KMT2A: variants seen among roughly 807,000 people sequenced by gnomAD.
The protein encoded by KMT2A is histone-lysine N-methyltransferase 2A.
A neutral mutation model predicts 345.3 loss-of-function variants in KMT2A; 16 were observed. That is an observed-to-expected ratio of 0.05 (90% CI 0.03 to 0.07). KMT2A has a LOEUF of 0.07. Ranked by LOEUF, KMT2A falls within the 10% of genes least tolerant of loss-of-function variation. KMT2A has a pLI of 1.00. For synonymous variants in KMT2A, 1,599 were observed against 1,778.6 expected, an observed-to-expected ratio of 0.90 and a Z score of 2.54; for missense variants, 3,272 against 4,841.6, an observed-to-expected ratio of 0.68 and a Z score of 9.62.
intron 24 of KMT2A, 75 bp from the exon 25 acceptor site, chr11:118,500,912 G>C (rs1950490183): frequency 5.0e-6 from 6 of 1,193,294 alleles, no homozygotes; most frequent in Non-Finnish European, 7.2e-6. Flanking sequence ...CTAGGATAAA[G>C]AGAGGTTTTG....
chr11:118,499,836 G>T lies in KMT2A; in HGVS notation c.6081G>T (p.Gly2027=), dbSNP rs142830885. The T allele has an allele frequency of 2.0e-4, 326 of 1,607,208 alleles. No homozygotes were observed. Among genetic ancestry groups the T allele is most frequent in the Middle Eastern group, 1.3e-3 (8 of 6,052 alleles). ...ATCGGTTCTTCTTTCCTTGGTCAGG[G>T]TCTATGACAATCGACTGCTTAGGAA... ...LEPENIHMMI[G]SMTIDCLGIL... is the part of the protein sequence containing the mutation. The change falls in exon 24 of 36, where the codon GGG becomes GGT. Residue 2027 remains glycine (G), a splice_region_variant and synonymous_variant. Transcript: ENST00000534358.
intron 1 of KMT2A, among the ~76,000 whole-genome samples, chr11:118,452,219 T>C (rs1243163845): frequency 1.3e-5 from 2 of 152,048 alleles, no homozygotes; most frequent in Non-Finnish European, 2.9e-5. Context: ...AATCAGGAGA[T>C]TTTAAATGTT....
At chr11:118,465,842 A>G (rs972778633) in intron 1 of KMT2A, among the ~76,000 whole-genome samples, 4 of 152,176 alleles carry the variant, frequency 2.6e-5, no homozygotes, top group Non-Finnish European at 5.9e-5. Flanking sequence ...TTAAAAGTTA[A>G]CAGTATGGAA....
rs138598543 is a variant in KMT2A, at chr11:118,473,340, T to A, written c.2181T>A (p.Ser727=). ...GTAATCGAACTTCTGCTGGAACATC[T>A]TCTTCAGGAGTATCCAATAGAAAAA... ...LPSNRTSAGT[S]SSGVSNRKRK... The change falls in exon 3 of 36, where the codon TCT becomes TCA. Residue 727 remains serine (S), a synonymous_variant. Transcript: ENST00000534358. This position sits in a 1 kb window ranked among gnomAD's most constrained non-coding sequence, Gnocchi z 5.2. 6 of 1,613,854 alleles carry A rather than the reference T, an allele frequency of 3.7e-6. No individual in the cohort carries two copies. Among genetic ancestry groups the A allele is most frequent in the Non-Finnish European group, 5.1e-6 (6 of 1,179,976 alleles).
Position 118,507,533 on chromosome 11 carries a change from C to T in KMT2A, c.10759C>T (p.Pro3587Ser). The T allele has an allele frequency of 1.2e-6, 2 of 1,613,996 alleles. No individual in the cohort carries two copies. The highest frequency in any genetic ancestry group is 1.7e-6 in the Non-Finnish European group (2 of 1,179,884). Residue 3587 changes from proline (P) to serine (S), a missense_variant, in exon 28 of 36, where the codon CCA becomes TCA. By Grantham distance (74) the Pro-to-Ser change is moderately conservative (BLOSUM62 -1). This residue lies in a region of KMT2A where 748 missense variants were observed against 922.2 expected (regional missense o/e 0.81). Coordinates refer to ENST00000534358, the MANE Select transcript of KMT2A (RefSeq NM_001197104.2). ...TTSLTSGTGT[P>S]GAEAEQQDTA... ...ATACAAATGCCTGTGTTCCAGGACT[C>T]CAGGAGCAGAGGCTGAGCAGCAGGA...
rs1021308763 is a variant in KMT2A at position 118,501,832 on chromosome 11, T to G, written c.6480T>G (p.Pro2160=). The G allele has an allele frequency of 6.2e-7, 1 of 1,613,592 alleles. No individual in the cohort carries two copies. Among genetic ancestry groups the G allele is most frequent in the Admixed American group, 1.7e-5 (1 of 59,948 alleles). ...GTTATTCTCCAACACAGAGATCCCC[T>G]GGCTGTCGACCGTTGCCTTCTGCAG... ...TPSYSPTQRS[P]GCRPLPSAGS... is the part of the protein sequence containing the mutation. Residue 2160 remains proline (P), a synonymous_variant, in exon 26 of 36, where the codon CCT becomes CCG. Coordinates refer to ENST00000534358, the MANE Select transcript of KMT2A (RefSeq NM_001197104.2).
intron 6 of KMT2A, among the ~76,000 whole-genome samples, 187 bp from the exon 7 acceptor site, chr11:118,481,528 T>C (rs1411592273): frequency 2.6e-5 from 4 of 152,244 alleles, no homozygotes; most frequent in African/African-American, 9.6e-5. Context: ...TACTTTCAAA[T>C]CTTGGCTATC....
chr11:118,462,984 G>A (rs1949774549), intron 1 of KMT2A, among the ~76,000 whole-genome samples: 1 of 152,172 alleles, frequency 6.6e-6, no homozygotes, highest in Non-Finnish European at 1.5e-5. Context: ...CTGCCTGACA[G>A]CTCAGTGGAA....
In KMT2A at chr11:118,474,024, T is replaced by A; in HGVS notation, c.2865T>A (p.Ala955=). The A allele has an allele frequency of 6.2e-7, 1 of 1,613,754 alleles. No homozygotes were observed. Among genetic ancestry groups the A allele is most frequent in the Non-Finnish European group, 8.5e-7 (1 of 1,179,918 alleles). ...CTGTGACTCTTGGGGATACAACAGC[T>A]GTCAAAACCAAAATACTTATAAAGA... ...ITSVTLGDTT[A]VKTKILIKKG... Residue 955 remains alanine (A), a synonymous_variant, in exon 3 of 36, where the codon GCT becomes GCA. Coordinates refer to ENST00000534358, the MANE Select transcript of KMT2A (RefSeq NM_001197104.2).
Position 118,472,871 on chromosome 11 carries a change from C to T in KMT2A, c.1712C>T (p.Pro571Leu), listed in dbSNP as rs1555036149. 1 of 1,614,056 alleles carries T rather than the reference C, an allele frequency of 6.2e-7. No homozygotes were observed. The change falls in exon 3 of 36, where the codon CCA becomes CTA. Residue 571 changes from proline (P) to leucine (L), a missense_variant. Transcript: ENST00000534358. ...CCACCTCTGCTGACTCCACCGCCAC[C>T]ACTGCAGCCAGCCTCCAGTATCTCT... Reference protein sequence around the residue: ...PPPPLLTPPPPLQPASSISDH... With the variant: ...PPPPLLTPPPLLQPASSISDH...
At position 118,473,999 on chromosome 11, in the gene KMT2A, C is replaced by T. The variant is rs1473233037; in HGVS notation, c.2840C>T (p.Ser947Phe). 6.8e-6 allele frequency: 11 copies of T among 1,613,710 alleles called. No individual in the cohort carries two copies. The highest frequency in any genetic ancestry group is 1.3e-5 in the African/African-American group (1 of 74,852). Reference protein sequence around the residue: ...SSHDSGTDITSVTLGDTTAVK... With the variant: ...SSHDSGTDITFVTLGDTTAVK... ...CATGATTCTGGGACTGATATTACTT[C>T]TGTGACTCTTGGGGATACAACAGCT... Residue 947 changes from serine (S) to phenylalanine (F), a missense_variant, in exon 3 of 36, where the codon TCT becomes TTT. Physicochemically the swap from Ser to Phe is radical, Grantham distance 155. Around this residue, in one of 27 missense-constraint regions of KMT2A, gnomAD observed 209 missense variants for 237.4 expected, o/e 0.88. Transcript: ENST00000534358. The surrounding 1 kb of genome is among the most constrained non-coding windows in gnomAD (Gnocchi z 5.2).
Position 118,471,903 on chromosome 11 carries a change from C to G in KMT2A, c.744C>G (p.Asn248Lys). 1 of 1,613,596 alleles carries G rather than the reference C, an allele frequency of 6.2e-7. No individual in the cohort carries two copies. Among genetic ancestry groups the G allele is most frequent in the Non-Finnish European group, 8.5e-7 (1 of 1,179,878 alleles). Residue 248 changes from asparagine (N) to lysine (K), a missense_variant, in exon 3 of 36, where the codon AAC (asparagine) becomes AAG (lysine). By Grantham distance (94) the Asn-to-Lys change is moderately conservative. This residue lies in a region of KMT2A where 412 missense variants were observed against 511.0 expected (regional missense o/e 0.81). Transcript: ENST00000534358. ...GKDISELPKGNKEDSLKKIKR... is the reference protein window; with the variant it reads ...GKDISELPKGKKEDSLKKIKR... The stretch of plus-strand genomic sequence containing the variant: ...ACATTTCAGAGTTACCAAAGGGAAA[C>G]AAAGAAGATAGCCTGAAAAAAATTA...
In KMT2A at chr11:118,504,324, G is replaced by A. The variant is rs782705469; in HGVS notation, c.8432G>A (p.Arg2811His). The A allele has an allele frequency of 3.7e-6, 6 of 1,613,992 alleles. No individual in the cohort carries two copies. Among genetic ancestry groups the A allele is most frequent in the East Asian group, 4.5e-5 (2 of 44,892 alleles). ...EAQLSSLESS[R>H]RVHTSTPSDK... ...CAGCTCAGCTCATTGGAGTCAAGCC[G>A]CAGAGTCCACACAAGTACCCCCTCC... The change falls in exon 27 of 36, where the codon CGC becomes CAC. Residue 2811 changes from arginine to histidine, a missense_variant. Transcript: ENST00000534358. The surrounding 1 kb of genome is among the most constrained non-coding windows in gnomAD (Gnocchi z 6.4).
In KMT2A at chr11:118,473,636, C is replaced by A. The variant is rs1226542006; in HGVS notation, c.2477C>A (p.Pro826Gln). The A allele has an allele frequency of 1.2e-6, 2 of 1,613,978 alleles. No homozygotes were observed. Among genetic ancestry groups the A allele is most frequent in the Non-Finnish European group, 1.7e-6 (2 of 1,180,048 alleles). Residue 826 changes from proline (P) to glutamine (Q), a missense_variant, in exon 3 of 36, where the codon CCA (proline) becomes CAA (glutamine). Physicochemically the swap from Pro to Gln is moderately conservative, Grantham distance 76. Transcript: ENST00000534358. This position sits in a 1 kb window ranked among gnomAD's most constrained non-coding sequence, Gnocchi z 5.2. ...PRKQTSAPAE[P>Q]FSSSSPTPLF... ...AAGCAGACTAGTGCTCCGGCAGAGC[C>A]ATTTTCATCAAGTAGTCCTACTCCT... is the stretch of plus-strand genomic sequence containing the variant.
chr11:118,507,139 A>T (rs1950598547), intron 27 of KMT2A, among the ~76,000 whole-genome samples: 1 of 152,264 alleles, frequency 6.6e-6, no homozygotes, highest in African/African-American at 2.4e-5. Context: ...TCTACAAAAA[A>T]TTTTTTAAAA....
chr11:118,500,018 T>G, intron 24 of KMT2A, 105 bp downstream of exon 24: 1 of 711,308 alleles, frequency 1.4e-6, no homozygotes, highest in South Asian at 1.7e-5. Context: ...TACTTTAAAC[T>G]GCTACTAAAA....
In KMT2A at chr11:118,491,430, A is replaced by G. The variant is rs1367892432; in HGVS notation, c.4819+112A>G. On this transcript the variant is annotated intron_variant, in intron 14 of 35. Coordinates refer to ENST00000534358, the MANE Select transcript of KMT2A (RefSeq NM_001197104.2). The surrounding 1 kb of genome is among the most constrained non-coding windows in gnomAD (Gnocchi z 4.2). ...TTGTGTTGTTATTTGAAATCTCTAA[A>G]TTTATTTTTTAGTCTCTAGAATAAG... 3 of 1,091,698 alleles carry G rather than the reference A, an allele frequency of 2.7e-6. No homozygotes were observed. In the African/African-American group the frequency reaches 4.8e-5, roughly 18 times the overall value. 67.6% of individuals were successfully genotyped at this position (1,091,698 alleles called of 1,614,324 possible).
At chr11:118,455,670 ATTTTTT>A (rs151144961) in intron 1 of KMT2A, among the ~76,000 whole-genome samples, 12 of 148,964 alleles carry the variant, frequency 8.1e-5, no homozygotes, top group African/African-American at 2.9e-4. Flanking sequence ...TATTATTATT[ATTTTTT>A]TTTATTTTTA....
chr11:118,511,612 A>G (rs7113994), intron 30 of KMT2A, among the ~76,000 whole-genome samples: 11,958 of 152,230 alleles, frequency 0.079, 632 homozygotes, highest in African/African-American at 0.13. Context: ...TTAGGGGTAC[A>G]GGGAACATAA....
Sources: gnomAD v4.1 joint callset for allele counts (sites outside exome capture counted in the v4.1 genomes callset) on GRCh38, gnomAD v4.1.1 for gene constraint, gnomAD v4.1.1 regional missense constraint, Gnocchi (gnomAD v3.1) non-coding constraint, MANE v1.5 for transcripts, NCBI Gene and HGNC (gene_info 2026-07-23, HGNC 2026-07-21) for gene names.